The following AGPAT3 variants were observed in gnomAD, a reference collection of about 807,000 sequenced individuals.
AGPAT3 encodes the protein 1-acylglycerol-3-phosphate O-acyltransferase 3.
A neutral mutation model predicts 47.3 loss-of-function variants in AGPAT3; 5 were observed. The ratio of observed to expected loss-of-function variants is 0.11; its 90% CI spans 0.06 to 0.22. The LOEUF is 0.22. AGPAT3 is among the 10% of genes least tolerant of loss of function. The pLI is 1.00. For missense variants in AGPAT3, 315 were observed against 493.0 expected (o/e 0.64, Z 3.42); for synonymous variants, 212 against 208.3 (o/e 1.02, Z -0.15).
intron 1 of AGPAT3, among the ~76,000 whole-genome samples, chr21:43,875,717 C>T (rs985948496): frequency 6.6e-6 from 1 of 152,232 alleles, no homozygotes; most frequent in African/African-American, 2.4e-5. Flanking sequence ...AAGTGATTCT[C>T]CTGCCTCAGC....
chr21:43,878,832 C>A (rs1828509712), intron 1 of AGPAT3, among the ~76,000 whole-genome samples: 1 of 151,906 alleles, frequency 6.6e-6, no homozygotes, highest in African/African-American at 2.4e-5. Context: ...CCTCCACCTC[C>A]CGGGTTCAAG....
At chr21:43,946,239 C>A (rs1309958669) in intron 2 of AGPAT3, among the ~76,000 whole-genome samples, 1 of 152,198 alleles carries the variant, frequency 6.6e-6, no homozygotes, top group Non-Finnish European at 1.5e-5. Flanking sequence ...GTGACAAGCT[C>A]TGTACATCCC....
chr21:43,885,774 A>C (rs1384545096), intron 1 of AGPAT3, among the ~76,000 whole-genome samples: 1 of 152,242 alleles, frequency 6.6e-6, no homozygotes, highest in Non-Finnish European at 1.5e-5. Context: ...GGAAGCCTGG[A>C]GTATACGGCC....
At chr21:43,917,519 CT>C (rs1354505543) in intron 2 of AGPAT3, among the ~76,000 whole-genome samples, 1 of 152,222 alleles carries the variant, frequency 6.6e-6, no homozygotes, top group Non-Finnish European at 1.5e-5. Context: ...GGTTTAGTCG[CT>C]TGCTGCTGGC....
intron 2 of AGPAT3, among the ~76,000 whole-genome samples, chr21:43,935,180 C>T (rs1227413491): frequency 2.6e-5 from 4 of 152,266 alleles, no homozygotes; most frequent in East Asian, 1.9e-4. Context: ...AGTGCCGTGC[C>T]GCGCTAGCAC....
chr21:43,955,038 C>T lies in AGPAT3; in HGVS notation c.-48-4596C>T. ...CAGAGGCTGGGACGTGAATGTGCAT[C>T]ACGGCTCTATCTGTGGCCCCCAAAG... On this transcript the variant is annotated intron_variant, in intron 2 of 9. Coordinates refer to ENST00000291572, the MANE Select transcript of AGPAT3 (RefSeq NM_020132.5). This position sits in a 1 kb window ranked among gnomAD's most constrained non-coding sequence, Gnocchi z 4.1. 4 of 1,196,348 alleles carry T rather than the reference C, an allele frequency of 3.3e-6. No homozygotes were observed. The highest frequency in any genetic ancestry group is 4.3e-6 in the Non-Finnish European group (4 of 934,794). The allele number at this position is 1,196,348 out of a possible 1,614,324, so 74.1% of individuals were successfully genotyped here.
chr21:43,892,823 T>A (rs1214987845), intron 1 of AGPAT3, among the ~76,000 whole-genome samples: 1 of 152,208 alleles, frequency 6.6e-6, no homozygotes, highest in African/African-American at 2.4e-5. Flanking sequence ...TCATGGTGGC[T>A]CACAGCTGTA....
At position 43,878,370 on chromosome 21, in the gene AGPAT3, C is replaced by A. The variant is rs115647459; in HGVS notation, c.-112+13025C>A. ...TCACGTCGTGGCTCTGTCTCTGCGG[C>A]CTGCCCGCTTCAGTTCACATTGCAC... On this transcript the variant is annotated intron_variant, in intron 1 of 9. Coordinates refer to ENST00000291572, the MANE Select transcript of AGPAT3 (RefSeq NM_020132.5). Among the ~76,000 whole-genome samples, 291 of 152,360 alleles carry A rather than the reference C, an allele frequency of 1.9e-3. 1 individual carries two copies. The highest frequency in any genetic ancestry group is 6.7e-3 in the African/African-American group (279 of 41,582).
At chr21:43,928,249 G>A (rs1359512852) in intron 2 of AGPAT3, among the ~76,000 whole-genome samples, 1 of 152,178 alleles carries the variant, frequency 6.6e-6, no homozygotes, top group African/African-American at 2.4e-5. Context: ...TCTTCTCCGG[G>A]GCCTGCAGGT....
intron 1 of AGPAT3, among the ~76,000 whole-genome samples, chr21:43,866,454 C>T (rs1221277226): frequency 6.6e-6 from 1 of 152,130 alleles, no homozygotes; most frequent in Non-Finnish European, 1.5e-5. Flanking sequence ...AAATTGCAGG[C>T]GCGGCTGCTC....
chr21:43,971,720 C>A (rs935099931), intron 7 of AGPAT3, among the ~76,000 whole-genome samples: 2 of 152,192 alleles, frequency 1.3e-5, no homozygotes. Flanking sequence ...CATGGAGACA[C>A]GGGGGATGTG....
chr21:43,937,638 A>G (rs893543663), intron 2 of AGPAT3, among the ~76,000 whole-genome samples: 21 of 152,176 alleles, frequency 1.4e-4, no homozygotes, highest in African/African-American at 4.6e-4. Context: ...ATCGTGGCTC[A>G]CTGCAGCCTT....
chr21:43,979,298 CAA>C (rs540542305), intron 8 of AGPAT3, among the ~76,000 whole-genome samples: 4 of 57,732 alleles, frequency 6.9e-5, no homozygotes, highest in Admixed American at 2.2e-4. Context: ...GACTCCAACT[CAA>C]AAAAAAAAAA....
Position 43,982,421 on chromosome 21 carries a change from C to A in AGPAT3, c.*29C>A. On this transcript the variant is annotated 3_prime_UTR_variant, in exon 10 of 10. Coordinates refer to ENST00000291572, the MANE Select transcript of AGPAT3 (RefSeq NM_020132.5). The surrounding 1 kb of genome is among the most constrained non-coding windows in gnomAD (Gnocchi z 6.2). ...ATGGCTGTGACTGAACACACGCGGC[C>A]CTGACGGTGGTATCCAGTTAACTCA... 1 of 1,539,006 alleles carries A rather than the reference C, an allele frequency of 6.5e-7. No individual in the cohort carries two copies. The highest frequency in any genetic ancestry group is 9.0e-7 in the Non-Finnish European group (1 of 1,113,078).
At chr21:43,929,925 A>T (rs146052822) in intron 2 of AGPAT3, among the ~76,000 whole-genome samples, 3 of 152,354 alleles carry the variant, frequency 2.0e-5, no homozygotes, top group Non-Finnish European at 4.4e-5. Context: ...GTGTCTCATT[A>T]ACCTCATAAA....
At chr21:43,878,481 A>G (rs1160799026) in intron 1 of AGPAT3, among the ~76,000 whole-genome samples, 2 of 152,220 alleles carry the variant, frequency 1.3e-5, no homozygotes, top group Non-Finnish European at 2.9e-5. Context: ...AGCCCTGTCA[A>G]TGGACACTGA....
At chr21:43,901,335 AAAAAG>A (rs1473494137) in intron 1 of AGPAT3, among the ~76,000 whole-genome samples, 7 of 151,606 alleles carry the variant, frequency 4.6e-5, no homozygotes, top group Non-Finnish European at 8.8e-5. Context: ...AAAAAAAAAA[AAAAAG>A]AGAAGAGAAA....
At position 43,959,701 on chromosome 21, in the gene AGPAT3, T is replaced by C; in HGVS notation, c.20T>C (p.Leu7Pro). The C allele has an allele frequency of 6.2e-7, 1 of 1,613,558 alleles. No homozygotes were observed. The highest frequency in any genetic ancestry group is 8.5e-7 in the Non-Finnish European group (1 of 1,179,908). The stretch of plus-strand genomic sequence containing the variant: ...AGCGCCATGGGCCTGCTGGCCTTCC[T>C]GAAGACCCAGTTCGTGCTGCACCTG... MGLLAF[L>P]KTQFVLHLLV... The change falls in exon 3 of 10, where the codon CTG (leucine) becomes CCG (proline). Residue 7 changes from leucine to proline, a missense_variant. Transcript: ENST00000291572.
In AGPAT3 at chr21:43,970,691, C is replaced by G. The variant is rs2089357969; in HGVS notation, c.549C>G (p.Thr183=). 2.5e-6 allele frequency: 4 copies of G among 1,613,908 alleles called. No homozygotes were observed. In the East Asian group the frequency reaches 8.9e-5, roughly 36 times the overall value. ...LYCEGTRFTE[T]KHRVSMEVAA... ...GCGAGGGGACGCGCTTCACGGAGACCAAGCACCGCGTTAGCATGGAGGTGG... is the reference window on the plus strand; with the variant it reads ...GCGAGGGGACGCGCTTCACGGAGACGAAGCACCGCGTTAGCATGGAGGTGG... The change falls in exon 6 of 10, where the codon ACC becomes ACG. Residue 183 remains threonine (T), a synonymous_variant. Coordinates refer to ENST00000291572, the MANE Select transcript of AGPAT3 (RefSeq NM_020132.5). The surrounding 1 kb of genome is among the most constrained non-coding windows in gnomAD (Gnocchi z 5.8).
Sources: gnomAD v4.1 joint callset for allele counts (sites outside exome capture counted in the v4.1 genomes callset) on GRCh38, gnomAD v4.1.1 for gene constraint, Gnocchi (gnomAD v3.1) non-coding constraint, MANE v1.5 for transcripts, NCBI Gene and HGNC (gene_info 2026-07-23, HGNC 2026-07-21) for gene names.